Variants in CORO2B observed in about 807,000 individuals in gnomAD.
CORO2B encodes coronin-2B.
Under a neutral mutation model 58.8 loss-of-function variants are expected in CORO2B, and 26 were observed. The ratio of observed to expected loss-of-function variants is 0.44; its 90% CI spans 0.32 to 0.61. CORO2B has a LOEUF of 0.61. Among genes scored for constraint, CORO2B ranks in the 20% least tolerant of loss-of-function variants. The pLI is 0.04. For synonymous variants in CORO2B, 242 were observed against 253.8 expected (o/e 0.95, Z 0.44); for missense variants, 460 against 645.1 (o/e 0.71, Z 3.11).
intron 1 of CORO2B, among the ~76,000 whole-genome samples, chr15:68,623,687 T>A (rs1298022339): frequency 6.6e-6 from 1 of 152,178 alleles, no homozygotes; most frequent in South Asian, 2.1e-4. Context: ...TCCAGGAGCC[T>A]GTTGCTCCCA....
chr15:68,555,461 C>A, the CORO2B span, among the ~76,000 whole-genome samples: 1 of 152,198 alleles, frequency 6.6e-6, no homozygotes, highest in South Asian at 2.1e-4. Flanking sequence ...TTGCAAACCA[C>A]TGCTTACCCA....
chr15:68,707,779 G>T (rs1892816938), intron 3 of CORO2B, among the ~76,000 whole-genome samples: 1 of 152,228 alleles, frequency 6.6e-6, no homozygotes, highest in African/African-American at 2.4e-5. Context: ...GGGGACAGAA[G>T]GAATGTGGTG....
At chr15:68,574,087 A>C (rs995742060), upstream of CORO2B, among the ~76,000 whole-genome samples, 2 of 152,176 alleles carry the variant, frequency 1.3e-5, no homozygotes, top group African/African-American at 4.8e-5. Context: ...GGGTTCAAGC[A>C]GCCAGATCTG....
chr15:68,596,887 C>G (rs1056529926), intron 1 of CORO2B, among the ~76,000 whole-genome samples: 2 of 152,146 alleles, frequency 1.3e-5, no homozygotes, highest in African/African-American at 2.4e-5. Flanking sequence ...GCCACTCTGG[C>G]CTCCTGACCT....
rs935385246 is a variant in CORO2B, at chr15:68,629,987, G to A, written c.16-15173G>A. On this transcript the variant is annotated intron_variant, in intron 1 of 11. Coordinates refer to ENST00000261861, the MANE Select transcript of CORO2B (RefSeq NM_006091.5). Reference sequence around the variant, plus strand: ...GCCAGAGGCACCCTGCCCTGGAGGAGTTGCCTGATGCCATGTTCTGTCACC... The same window carrying A: ...GCCAGAGGCACCCTGCCCTGGAGGAATTGCCTGATGCCATGTTCTGTCACC... Among the ~76,000 whole-genome samples, 14 of 152,340 alleles carry A rather than the reference G, an allele frequency of 9.2e-5. No homozygotes were observed. The South Asian group carries it at 2.7e-3, about 29-fold the overall frequency.
In CORO2B at chr15:68,726,324, G is replaced by C. The variant is rs1433090185; in HGVS notation, c.*350G>C. The stretch of plus-strand genomic sequence containing the variant: ...GGAAGCGGGATCCCAGCTAGACTTA[G>C]AACTTGGACTTTTCCCCTGTGAAGG... On this transcript the variant is annotated 3_prime_UTR_variant, in exon 12 of 12. Transcript: ENST00000261861. 6.5e-6 allele frequency: 2 copies of C among 309,632 alleles called. No homozygotes were observed. Among genetic ancestry groups the C allele is most frequent in the Non-Finnish European group, 1.2e-5 (2 of 164,184 alleles). The allele number at this position is 309,632 out of a possible 1,614,324, so 19.2% of individuals were successfully genotyped here.
At chr15:68,674,652 C>T (rs770320165) in intron 2 of CORO2B, among the ~76,000 whole-genome samples, 14 of 152,132 alleles carry the variant, frequency 9.2e-5, no homozygotes, top group Non-Finnish European at 1.6e-4. Flanking sequence ...GAGAAAGGCT[C>T]GTGGGCAGTG....
intron 3 of CORO2B, among the ~76,000 whole-genome samples, chr15:68,696,490 A>C (rs1892513662): frequency 6.8e-6 from 1 of 146,258 alleles, no homozygotes; most frequent in African/African-American, 2.5e-5. Context: ...CGGAGGTTGC[A>C]GTGAGCTGAG....
intron 3 of CORO2B, among the ~76,000 whole-genome samples, chr15:68,708,877 C>T (rs1449887752): frequency 1.3e-5 from 2 of 152,110 alleles, no homozygotes; most frequent in East Asian, 3.9e-4. Context: ...GGCGGAGTCT[C>T]ACTATGTTAC....
intron 1 of CORO2B, among the ~76,000 whole-genome samples, chr15:68,610,339 G>A (rs1249249688): frequency 6.6e-6 from 1 of 152,178 alleles, no homozygotes; most frequent in African/African-American, 2.4e-5. Flanking sequence ...TTGCCTCAAG[G>A]CCTAGTGAAG....
intron 1 of CORO2B, among the ~76,000 whole-genome samples, chr15:68,605,712 T>A (rs1473464163): frequency 1.3e-5 from 1 of 74,940 alleles, no homozygotes; most frequent in African/African-American, 8.5e-5. Flanking sequence ...GGCTCTTGGG[T>A]TTTTTTTTTT....
intron 3 of CORO2B, among the ~76,000 whole-genome samples, chr15:68,702,433 G>A (rs761179515): frequency 3.9e-5 from 6 of 152,082 alleles, no homozygotes; most frequent in Admixed American, 6.6e-5. Flanking sequence ...TCCTCAGTTC[G>A]CCCCTCCTAC....
intron 1 of CORO2B, among the ~76,000 whole-genome samples, chr15:68,637,416 A>G (rs926803139): frequency 1.3e-5 from 2 of 152,236 alleles, no homozygotes; most frequent in Non-Finnish European, 2.9e-5. Context: ...GCTCTCGCTC[A>G]CGACCCAGAA....
intron 9 of CORO2B, 64 bp from the exon 10 acceptor site, chr15:68,719,080 C>A: frequency 1.5e-6 from 2 of 1,293,490 alleles, no homozygotes; most frequent in Non-Finnish European, 2.3e-6. Context: ...AAGAGTCTGA[C>A]TGAAGAGTAG....
At chr15:68,668,309 C>G (rs1010065602) in intron 2 of CORO2B, among the ~76,000 whole-genome samples, 1 of 152,090 alleles carries the variant, frequency 6.6e-6, no homozygotes, top group African/African-American at 2.4e-5. Flanking sequence ...ATCCAAGAAC[C>G]TTCTGGATCA....
intron 3 of CORO2B, among the ~76,000 whole-genome samples, chr15:68,706,531 G>A (rs952374536): frequency 2.6e-5 from 4 of 152,278 alleles, no homozygotes; most frequent in Non-Finnish European, 5.9e-5. Context: ...TTTCTTGATG[G>A]CCAGGGGCAA....
intron 2 of CORO2B, among the ~76,000 whole-genome samples, chr15:68,646,309 C>T (rs1375252864): frequency 6.6e-6 from 1 of 152,196 alleles, no homozygotes; most frequent in Non-Finnish European, 1.5e-5. Context: ...CTGTCAGTCC[C>T]ACTTGTTTAT....
At chr15:68,566,563 C>A in the CORO2B span, among the ~76,000 whole-genome samples, 7 of 152,174 alleles carry the variant, frequency 4.6e-5, no homozygotes, top group Admixed American at 1.3e-4. Flanking sequence ...CCGGCGGACT[C>A]TTCATGGTCC....
chr15:68,588,507 C>T (rs1321185307), intron 1 of CORO2B, among the ~76,000 whole-genome samples: 1 of 152,198 alleles, frequency 6.6e-6, no homozygotes, highest in African/African-American at 2.4e-5. Context: ...TCAGAGCTCC[C>T]TGTGGAAGGC....
Sources: allele counts gnomAD v4.1 joint callset (sites outside exome capture counted in the v4.1 genomes callset), GRCh38; gene constraint gnomAD v4.1.1; transcripts MANE v1.5; gene names NCBI Gene and HGNC (gene_info 2026-07-23, HGNC 2026-07-21).